EFEMP2: variants seen among roughly 807,000 people sequenced by gnomAD.
EFEMP2 encodes EGF-like fibulin extracellular matrix protein 2, also known as EGF-containing fibulin-like extracellular matrix protein 2.
In EFEMP2, 21 loss-of-function variants were observed where a neutral mutation model predicts 55.3. That is an observed-to-expected ratio of 0.38 (90% CI 0.27 to 0.55). EFEMP2 has a LOEUF of 0.55. EFEMP2 is among the 20% of genes least tolerant of loss of function. The pLI, the probability that EFEMP2 is intolerant of heterozygous loss-of-function variation, is 0.77. For missense variants in EFEMP2, 513 were observed against 615.1 expected, an observed-to-expected ratio of 0.83 and a Z score of 1.76; for synonymous variants, 275 against 242.3, an observed-to-expected ratio of 1.14 and a Z score of -1.25.
rs1859888768 is a variant in EFEMP2 at position 65,867,972 on chromosome 11, C to T, written c.1059G>A (p.Glu353=). 1 of 1,614,126 alleles carries T rather than the reference C, an allele frequency of 6.2e-7. No homozygotes were observed. The highest frequency in any genetic ancestry group is 8.5e-7 in the Non-Finnish European group (1 of 1,180,040). ...IVHRYMTITS[E]RSVPADVFQI... is the part of the protein sequence containing the mutation. ...GGAACACGTCAGCGGGCACGCTCCG[C>T]TCCGAGGTGATGGTCATGTAGCGGT... Residue 353 remains glutamate, a synonymous_variant, in exon 10 of 11, where the codon GAG becomes GAA. Coordinates refer to ENST00000307998, the MANE Select transcript of EFEMP2 (RefSeq NM_016938.5).
At position 65,868,310 on chromosome 11, in the gene EFEMP2, A is replaced by G; in HGVS notation, c.959T>C (p.Ile320Thr). 6.2e-7 allele frequency: 1 copy of G among 1,613,712 alleles called. No individual in the cohort carries two copies. The highest frequency in any genetic ancestry group is 1.7e-4 in the Middle Eastern group (1 of 6,056). The change falls in exon 9 of 11, where the codon ATC becomes ACC. Residue 320 changes from isoleucine to threonine, a missense_variant. Ile to Thr is a moderately conservative substitution (Grantham distance 89). Coordinates refer to ENST00000307998, the MANE Select transcript of EFEMP2 (RefSeq NM_016938.5). ...VDTNRCVEPY[I>T]QVSENRCLCP... Reference sequence around the variant, plus strand: ...ATTGACTCACTTCTCAGAGACCTGGATGTAGGGCTCCACGCAGCGGTTGGT... The same window carrying G: ...ATTGACTCACTTCTCAGAGACCTGGGTGTAGGGCTCCACGCAGCGGTTGGT...
chr11:65,866,781 T>G lies in EFEMP2; in HGVS notation c.*137A>C. On this transcript the variant is annotated 3_prime_UTR_variant, in exon 11 of 11. Coordinates refer to ENST00000307998, the MANE Select transcript of EFEMP2 (RefSeq NM_016938.5). ...CCCCAAGTGCCACCCTGCCCCAGCC[T>G]GAGGCTTCCTGCAGTGTGACCCGCC... is the stretch of plus-strand genomic sequence containing the variant. 2.6e-6 allele frequency: 3 copies of G among 1,158,246 alleles called. No individual in the cohort carries two copies. Among genetic ancestry groups the G allele is most frequent in the Non-Finnish European group, 3.8e-6 (3 of 792,270 alleles). 71.7% of individuals were successfully genotyped at this position (1,158,246 alleles called of 1,614,324 possible). A position where few individuals can be genotyped will look rare whatever the true frequency, so the allele number is the denominator to read the frequency against.
intron 7 of EFEMP2, chr11:65,869,312 A>AGG (rs1859922196): frequency 5.1e-6 from 1 of 195,020 alleles, no homozygotes; most frequent in South Asian, 9.8e-5. Flanking sequence ...ACAAACGTGG[A>AGG]GGGAGATATG....
rs759057006 is a variant in EFEMP2, at chr11:65,867,923, G to A, written c.1108C>T (p.Pro370Ser). ...VFQIQATSVYPGAYNAFQIRA... is the reference protein window; with the variant it reads ...VFQIQATSVYSGAYNAFQIRA... ...ATCTGAAAGGCATTGTAGGCACCGG[G>A]GTAGACGGAGGTCGCCTGGATCTGG... Residue 370 changes from proline to serine, a missense_variant, in exon 10 of 11, where the codon CCC (proline) becomes TCC (serine). Coordinates refer to ENST00000307998, the MANE Select transcript of EFEMP2 (RefSeq NM_016938.5). The A allele has an allele frequency of 1.2e-6, 2 of 1,614,132 alleles. 1 individual carries two copies. Among genetic ancestry groups the A allele is most frequent in the South Asian group, 2.2e-5 (2 of 91,090 alleles).
Position 65,867,033 on chromosome 11 carries a change from G to A in EFEMP2, c.1217C>T (p.Thr406Met), listed in dbSNP as rs372299119. ...SAMLVLARPV[T>M]GPREYVLDLE... Reference sequence around the variant, plus strand: ...GTCCAGCACGTACTCCCGGGGGCCCGTCACCGGCCGGGCGAGGACCAGCAT... The same window carrying A: ...GTCCAGCACGTACTCCCGGGGGCCCATCACCGGCCGGGCGAGGACCAGCAT... Residue 406 changes from threonine to methionine, a missense_variant, in exon 11 of 11, where the codon ACG (threonine) becomes ATG (methionine). Thr to Met is a moderately conservative substitution (Grantham distance 81, BLOSUM62 -1). Transcript: ENST00000307998. 76 of 1,614,052 alleles carry A rather than the reference G, an allele frequency of 4.7e-5. No individual in the cohort carries two copies. The highest frequency in any genetic ancestry group is 5.8e-5 in the Non-Finnish European group (69 of 1,180,036).
chr11:65,868,158 C>T, intron 9 of EFEMP2, 102 bp from the exon 10 acceptor site: 6 of 1,560,694 alleles, frequency 3.8e-6, no homozygotes, highest in Non-Finnish European at 4.4e-6. Context: ...CCTTCTACCC[C>T]TGTGACTGGT....
At chr11:65,871,481 T>C in intron 3 of EFEMP2, 118 bp from the exon 4 acceptor site, 1 of 990,274 alleles carries the variant, frequency 1.0e-6, no homozygotes. Context: ...GCCTTCCCAC[T>C]CTGCTCAACA....
intron 1 of EFEMP2, 66 bp from the exon 2 acceptor site, chr11:65,872,427 C>A (rs1387270290): frequency 8.4e-7 from 1 of 1,195,152 alleles, no homozygotes; most frequent in South Asian, 1.3e-5. Context: ...GTACCGGGAG[C>A]CCGAGCCCAG....
chr11:65,866,967 G>A lies in EFEMP2; in HGVS notation c.1283C>T (p.Ala428Val), dbSNP rs1565272014. 1 of 1,614,170 alleles carries A rather than the reference G, an allele frequency of 6.2e-7. No homozygotes were observed. Among genetic ancestry groups the A allele is most frequent in the East Asian group, 2.2e-5 (1 of 44,886 alleles). ...GACGGTGAGCCTCAGTACAGAGCTG[G>A]CCCGGTAGCTCATGAGGGAATTCAT... is the stretch of plus-strand genomic sequence containing the variant. Reference protein sequence around the residue: ...VTMNSLMSYRASSVLRLTVFV... With the variant: ...VTMNSLMSYRVSSVLRLTVFV... The change falls in exon 11 of 11, where the codon GCC (alanine) becomes GTC (valine). Residue 428 changes from alanine to valine, a missense_variant. Ala to Val is a moderately conservative substitution (Grantham distance 64). Coordinates refer to ENST00000307998, the MANE Select transcript of EFEMP2 (RefSeq NM_016938.5).
chr11:65,868,220 G>T (rs1591065768), intron 9 of EFEMP2, 75 bp downstream of exon 9: 1 of 1,602,146 alleles, frequency 6.2e-7, no homozygotes, highest in East Asian at 2.2e-5. Flanking sequence ...TCGCTGGTCT[G>T]AATAGATGCC....
intron 9 of EFEMP2, 35 bp from the exon 10 acceptor site, chr11:65,868,091 C>G: frequency 1.2e-6 from 2 of 1,605,304 alleles, no homozygotes; most frequent in Non-Finnish European, 1.7e-6. Context: ...CAAATGAGCT[C>G]CTTGCCCGTC....
intron 4 of EFEMP2, 52 bp from the exon 5 acceptor site, chr11:65,870,710 A>T: frequency 6.2e-7 from 1 of 1,612,356 alleles, no homozygotes; most frequent in African/African-American, 1.3e-5. Flanking sequence ...ACCACCCAAC[A>T]TGACAGATAG....
chr11:65,868,837 A>G, intron 7 of EFEMP2: 1 of 614,898 alleles, frequency 1.6e-6, no homozygotes, highest in Non-Finnish European at 2.8e-6. Context: ...CTCTCTGCCC[A>G]GAACTGGAAG....
rs1165282344 is a variant in EFEMP2 at position 65,870,227 on chromosome 11, C to T, written c.501G>A (p.Glu167=). The T allele has an allele frequency of 6.2e-7, 1 of 1,613,318 alleles. No homozygotes were observed. Among genetic ancestry groups the T allele is most frequent in the Non-Finnish European group, 8.5e-7 (1 of 1,179,982 alleles). ...KIGPECVDID[E]CRYRYCQHRC... ...GGTGCTGGCAGTAGCGGTAGCGGCA[C>T]TCGTCTATGTCTAGGGATAGAGGCA... The change falls in exon 6 of 11, where the codon GAG becomes GAA. Residue 167 remains glutamate, a synonymous_variant. Coordinates refer to ENST00000307998, the MANE Select transcript of EFEMP2 (RefSeq NM_016938.5).
chr11:65,871,708 G>T, intron 3 of EFEMP2: 1 of 602,440 alleles, frequency 1.7e-6, no homozygotes, highest in Non-Finnish European at 2.9e-6. Context: ...TGGGACAGGA[G>T]AGTGGTTCAG....
In EFEMP2 at chr11:65,872,786, G is replaced by A. The variant is rs576766502; in HGVS notation, c.-111C>T. 3 of 243,706 alleles carry A rather than the reference G, an allele frequency of 1.2e-5. No individual in the cohort carries two copies. Among genetic ancestry groups the A allele is most frequent in the South Asian group, 8.4e-5 (2 of 23,832 alleles). 15.1% of individuals were successfully genotyped at this position (243,706 alleles called of 1,614,324 possible). A position where few individuals can be genotyped will look rare whatever the true frequency, so the allele number is the denominator to read the frequency against. Reference sequence around the variant, plus strand: ...GCGGACGGCACAGCTCCCTGGACGCGCGGCCCCAGGAAGCGCCCCCCGCCC... The same window carrying A: ...GCGGACGGCACAGCTCCCTGGACGCACGGCCCCAGGAAGCGCCCCCCGCCC... On this transcript the variant is annotated 5_prime_UTR_variant, in exon 1 of 11. Coordinates refer to ENST00000307998, the MANE Select transcript of EFEMP2 (RefSeq NM_016938.5).
rs1359814738 is a variant in EFEMP2, at chr11:65,870,665, G to C, written c.368-7C>G. ...TGGGCACACTCGTCCACATCTGCGA[G>C]AGACACCACTCAGCCCCTGCCTGGG... On this transcript the variant is annotated splice_polypyrimidine_tract_variant and splice_region_variant and intron_variant, in intron 4 of 10. Transcript: ENST00000307998. 2 of 1,613,966 alleles carry C rather than the reference G, an allele frequency of 1.2e-6. No individual in the cohort carries two copies. Among genetic ancestry groups the C allele is most frequent in the South Asian group, 1.1e-5 (1 of 91,084 alleles).
chr11:65,870,167 C>A lies in EFEMP2; in HGVS notation c.561G>T (p.Gln187His). ...GCCCCAGCTGGAAGCCCGGCTCGCACTGGCAGCGGAAGGAGCCAGGCAGGT... is the reference window on the plus strand; with the variant it reads ...GCCCCAGCTGGAAGCCCGGCTCGCAATGGCAGCGGAAGGAGCCAGGCAGGT... Reference protein sequence around the residue: ...CVNLPGSFRCQCEPGFQLGPN... With the variant: ...CVNLPGSFRCHCEPGFQLGPN... The change falls in exon 6 of 11, where the codon CAG becomes CAT. Residue 187 changes from glutamine (Q) to histidine (H), a missense_variant. Transcript: ENST00000307998. The A allele has an allele frequency of 1.2e-6, 2 of 1,613,830 alleles. No homozygotes were observed. Among genetic ancestry groups the A allele is most frequent in the Non-Finnish European group, 1.7e-6 (2 of 1,180,006 alleles).
At position 65,871,144 on chromosome 11, in the gene EFEMP2, A is replaced by G; in HGVS notation, c.367+13T>C. 1 of 1,613,946 alleles carries G rather than the reference A, an allele frequency of 6.2e-7. No individual in the cohort carries two copies. The highest frequency in any genetic ancestry group is 8.5e-7 in the Non-Finnish European group (1 of 1,179,964). ...AGGACTGGAAGCCAGGCACCAGAGC[A>G]GTCCCCACTCACCCACACAGCTGTC... On this transcript the variant is annotated intron_variant, in intron 4 of 10. Transcript: ENST00000307998.
Sources: allele counts gnomAD v4.1 joint callset, GRCh38; gene constraint gnomAD v4.1.1; transcripts MANE v1.5; gene names NCBI Gene and HGNC (gene_info 2026-07-23, HGNC 2026-07-21).